RAB31: variants seen among roughly 807,000 people sequenced by gnomAD.
The protein encoded by RAB31 is ras-related protein Rab-31.
A neutral mutation model predicts 25.6 loss-of-function variants in RAB31; 21 were observed. The observed-to-expected ratio is 0.82, with a 90% CI of 0.58 to 1.18. RAB31 has a LOEUF of 1.18. Among genes scored for constraint, RAB31 ranks in the 50% most tolerant of loss-of-function variants. RAB31 has a pLI of 0.00. For synonymous variants in RAB31, 87 were observed against 84.0 expected (o/e 1.04, Z -0.20); for missense variants, 196 against 250.1 (o/e 0.78, Z 1.46).
intron 3 of RAB31, among the ~76,000 whole-genome samples, chr18:9,803,682 C>A (rs182353597): frequency 7.2e-5 from 11 of 152,290 alleles, no homozygotes; most frequent in African/African-American, 2.6e-4. Context: ...CCCCAGGAAT[C>A]CTTCATTAAG....
chr18:9,839,937 C>T (rs1277543716), intron 5 of RAB31, among the ~76,000 whole-genome samples: 2 of 152,292 alleles, frequency 1.3e-5, no homozygotes, highest in African/African-American at 2.4e-5. Flanking sequence ...CCACTTCTCC[C>T]GCCCTCCCCA....
chr18:9,762,726 T>C (rs1379053614), intron 1 of RAB31, among the ~76,000 whole-genome samples: 1 of 152,164 alleles, frequency 6.6e-6, no homozygotes, highest in Non-Finnish European at 1.5e-5. Flanking sequence ...TTGCTCTTCT[T>C]CCCCATTTAA....
At position 9,788,879 on chromosome 18, in the gene RAB31, A is replaced by G. The variant is rs11874227; in HGVS notation, c.120-3275A>G. 5.1e-3 allele frequency among the ~76,000 whole-genome samples: 772 copies of G among 152,364 alleles called. 6 individuals are homozygous for G. Among genetic ancestry groups the G allele is most frequent in the African/African-American group, 0.018 (731 of 41,584 alleles). On this transcript the variant is annotated intron_variant, in intron 2 of 6. Transcript: ENST00000578921. Reference sequence around the variant, plus strand: ...CAGCTACTTGGGAGGCTGGGGCAGGAGAATCGCATGAACCTGGGATATAGA... The same window carrying G: ...CAGCTACTTGGGAGGCTGGGGCAGGGGAATCGCATGAACCTGGGATATAGA...
At chr18:9,736,742 TC>T (rs141107671) in intron 1 of RAB31, among the ~76,000 whole-genome samples, 12,013 of 152,280 alleles carry the variant, frequency 0.079, 522 homozygotes, top group Middle Eastern at 0.13. Flanking sequence ...GCCTACAGTT[TC>T]TAGAAAGCCT....
intron 1 of RAB31, among the ~76,000 whole-genome samples, chr18:9,772,029 T>A (rs1226978886): frequency 6.6e-6 from 1 of 152,130 alleles, no homozygotes; most frequent in East Asian, 1.9e-4. Context: ...TTGTAGAGGA[T>A]GATGAGTAAA....
intron 3 of RAB31, among the ~76,000 whole-genome samples, chr18:9,811,687 C>T (rs771394038): frequency 6.6e-5 from 10 of 152,220 alleles, no homozygotes; most frequent in South Asian, 2.1e-4. Flanking sequence ...AGAGGAACCT[C>T]GTGTTATTCC....
intron 6 of RAB31, among the ~76,000 whole-genome samples, chr18:9,851,048 G>A (rs1185010130): frequency 2.0e-5 from 3 of 152,148 alleles, no homozygotes; most frequent in Non-Finnish European, 4.4e-5. Flanking sequence ...CCTTTAGTTA[G>A]TAGCAGGTTA....
At chr18:9,792,106 G>A in intron 2 of RAB31, 48 bp from the exon 3 acceptor site, 1 of 1,562,112 alleles carries the variant, frequency 6.4e-7, no homozygotes, top group Admixed American at 1.9e-5. Context: ...GTGAATCTTT[G>A]TGAAGAAACA....
intron 1 of RAB31, among the ~76,000 whole-genome samples, chr18:9,718,246 A>G (rs2068054218): frequency 6.6e-6 from 1 of 151,138 alleles, no homozygotes; most frequent in African/African-American, 2.4e-5. Context: ...AGCAGCTAAA[A>G]TATTTTCTGA....
At chr18:9,767,128 G>C (rs1465997465) in intron 1 of RAB31, among the ~76,000 whole-genome samples, 1 of 152,248 alleles carries the variant, frequency 6.6e-6, no homozygotes, top group Non-Finnish European at 1.5e-5. Context: ...AATTATCAGT[G>C]ATCCCCAATG....
intron 1 of RAB31, among the ~76,000 whole-genome samples, chr18:9,725,224 A>C (rs1288270460): frequency 6.6e-6 from 1 of 152,180 alleles, no homozygotes; most frequent in Non-Finnish European, 1.5e-5. Flanking sequence ...TTTATTGATC[A>C]AGCATTTTAC....
intron 1 of RAB31, among the ~76,000 whole-genome samples, chr18:9,718,388 T>C (rs2068054865): frequency 6.6e-6 from 1 of 152,102 alleles, no homozygotes; most frequent in Non-Finnish European, 1.5e-5. Context: ...GCCTCCCAAG[T>C]AGCTGGGATT....
At chr18:9,817,505 C>T (rs566110153) in intron 5 of RAB31, among the ~76,000 whole-genome samples, 7 of 152,192 alleles carry the variant, frequency 4.6e-5, no homozygotes, top group Admixed American at 3.3e-4. Flanking sequence ...TCTTCGTTTC[C>T]AGTCTAAAAT....
chr18:9,804,767 G>T (rs2068531547), intron 3 of RAB31, among the ~76,000 whole-genome samples: 1 of 152,108 alleles, frequency 6.6e-6, no homozygotes, highest in Admixed American at 6.5e-5. Context: ...ACCTGTGGTA[G>T]GAAGACCTCT....
chr18:9,850,052 G>A (rs2068781309), intron 6 of RAB31, among the ~76,000 whole-genome samples: 1 of 152,170 alleles, frequency 6.6e-6, no homozygotes. Flanking sequence ...GGAGAGAAGT[G>A]GCTTGGACGA....
intron 5 of RAB31, among the ~76,000 whole-genome samples, chr18:9,826,388 A>G (rs2068649968): frequency 6.6e-6 from 1 of 151,254 alleles, no homozygotes; most frequent in Non-Finnish European, 1.5e-5. Flanking sequence ...AATACAAACA[A>G]ACAAACAAAC....
intron 3 of RAB31, among the ~76,000 whole-genome samples, chr18:9,807,835 G>A (rs1014199131): frequency 3.3e-5 from 5 of 151,944 alleles, no homozygotes; most frequent in South Asian, 2.1e-4. Context: ...AAACTTAACC[G>A]GATATGGTGG....
chr18:9,858,480 T>G (rs2068830436), intron 6 of RAB31, among the ~76,000 whole-genome samples: 1 of 152,218 alleles, frequency 6.6e-6, no homozygotes, highest in Non-Finnish European at 1.5e-5. Flanking sequence ...ATCAGCACAG[T>G]CAATTTTAGA....
At chr18:9,855,630 G>C (rs543621258) in intron 6 of RAB31, among the ~76,000 whole-genome samples, 16 of 152,224 alleles carry the variant, frequency 1.1e-4, no homozygotes, top group African/African-American at 3.6e-4. Flanking sequence ...TTGCTTTCTT[G>C]TTTTGCGTTC....
Sources: gnomAD v4.1 joint callset for allele counts (sites outside exome capture counted in the v4.1 genomes callset) on GRCh38, gnomAD v4.1.1 for gene constraint, MANE v1.5 for transcripts, NCBI Gene and HGNC (gene_info 2026-07-23, HGNC 2026-07-21) for gene names.